Variants in LRIT2 observed in about 807,000 individuals in gnomAD.
The protein encoded by LRIT2 is leucine rich repeat, Ig-like and transmembrane domains 2, also known as leucine-rich repeat, immunoglobulin-like domain and transmembrane domain-containing protein 2.
In LRIT2, 23 loss-of-function variants were observed where a neutral mutation model predicts 22.4. The observed-to-expected ratio is 1.03, with a 90% CI of 0.74 to 1.45. LRIT2 has a LOEUF of 1.45. LRIT2 is among the 40% of genes most tolerant of loss of function. The probability of loss-of-function intolerance (pLI) is 0.00; values close to 1 mark genes in which losing one functional copy is unlikely to be tolerated. For missense variants in LRIT2, 784 were observed against 665.6 expected (o/e 1.18, Z -1.96); for synonymous variants, 291 against 267.1 (o/e 1.09, Z -0.87).
In LRIT2 at chr10:84,221,595, G is replaced by A. The variant is rs11817531; in HGVS notation, c.*325C>T. The A allele has an allele frequency of 0.19, 36,878 of 193,554 alleles. 4,099 individuals are homozygous for A. The highest frequency in any genetic ancestry group is 0.31 in the East Asian group (2,444 of 7,774). The allele number at this position is 193,554 out of a possible 1,614,324, so 12.0% of individuals were successfully genotyped here. On this transcript the variant is annotated 3_prime_UTR_variant, in exon 3 of 3. Transcript: ENST00000372113. The stretch of plus-strand genomic sequence containing the variant: ...GTAAAATATTATACGTAGACATTAC[G>A]TATAAGCATGTAAATGTTATAGGCT...
At position 84,224,675 on chromosome 10, in the gene LRIT2, C is replaced by G. The variant is rs1372283383; in HGVS notation, c.550G>C (p.Asp184His). 1 of 1,614,172 alleles carries G rather than the reference C, an allele frequency of 6.2e-7. No homozygotes were observed. The highest frequency in any genetic ancestry group is 8.5e-7 in the Non-Finnish European group (1 of 1,180,000). ...CTGGAGAGAATCTCAGCCCCACAGT[C>G]AGGCTGCCGGCATTTCTGGTAGGCT... Reference protein sequence around the residue: ...WPAYQKCRQPDCGAEILSSLV... With the variant: ...WPAYQKCRQPHCGAEILSSLV... The change falls in exon 2 of 3, where the codon GAC (aspartate) becomes CAC (histidine). Residue 184 changes from aspartate (D) to histidine (H), a missense_variant. By Grantham distance (81) the Asp-to-His change is moderately conservative. Coordinates refer to ENST00000372113, the MANE Select transcript of LRIT2 (RefSeq NM_001017924.5).
At position 84,224,916 on chromosome 10, in the gene LRIT2, T is replaced by G; in HGVS notation, c.309A>C (p.Pro103=). Residue 103 remains proline, a synonymous_variant, in exon 2 of 3, where the codon CCA becomes CCC. Transcript: ENST00000372113. ...CCTCCAGTCTCAGCTCCCTCAGTTC[T>G]GGCAGGTGTTCCAGGGCTCCTAGGT... ...VIHLGALEHL[P]ELRELRLEGN... is the part of the protein sequence containing the mutation. 6.2e-7 allele frequency: 1 copy of G among 1,614,200 alleles called. No individual in the cohort carries two copies. Among genetic ancestry groups the G allele is most frequent in the Non-Finnish European group, 8.5e-7 (1 of 1,180,026 alleles).
At chr10:84,223,338 T>C (rs980667936) in intron 2 of LRIT2, among the ~76,000 whole-genome samples, 1 of 152,092 alleles carries the variant, frequency 6.6e-6, no homozygotes, top group African/African-American at 2.4e-5. Context: ...TGCCAAACAG[T>C]GATTATAGAA....
Position 84,224,963 on chromosome 10 carries a change from A to T in LRIT2, c.262T>A (p.Phe88Ile). 2 of 1,614,156 alleles carry T rather than the reference A, an allele frequency of 1.2e-6. No individual in the cohort carries two copies. The highest frequency in any genetic ancestry group is 1.7e-6 in the Non-Finnish European group (2 of 1,180,022). ...AGGTGGATCACACTGATATTGTTAAAATTGAGCCAGAGGTATTCCAAGGTG... is the reference window on the plus strand; with the variant it reads ...AGGTGGATCACACTGATATTGTTAATATTGAGCCAGAGGTATTCCAAGGTG... ...MSTLEYLWLN[F>I]NNISVIHLGA... Residue 88 changes from phenylalanine (F) to isoleucine (I), a missense_variant, in exon 2 of 3, where the codon TTT (phenylalanine) becomes ATT (isoleucine). Coordinates refer to ENST00000372113, the MANE Select transcript of LRIT2 (RefSeq NM_001017924.5).
intron 2 of LRIT2, 44 bp from the exon 3 acceptor site, chr10:84,222,724 G>A (rs1218044217): frequency 6.2e-7 from 1 of 1,606,674 alleles, no homozygotes; most frequent in East Asian, 2.2e-5. Flanking sequence ...TTATCTGATA[G>A]ACTGCTGGAA....
At position 84,225,544 on chromosome 10, in the gene LRIT2, G is replaced by T. The variant is rs750724717; in HGVS notation, c.-24C>A. Reference sequence around the variant, plus strand: ...ATATTTCTCTGTAAGAAAATACGTTGTGAGTTTTGAATAAGTATCGCCCCA... The same window carrying T: ...ATATTTCTCTGTAAGAAAATACGTTTTGAGTTTTGAATAAGTATCGCCCCA... On this transcript the variant is annotated 5_prime_UTR_variant, in exon 1 of 3. Transcript: ENST00000372113. 6 of 1,610,130 alleles carry T rather than the reference G, an allele frequency of 3.7e-6. No individual in the cohort carries two copies. The South Asian group carries it at 6.7e-5, about 18-fold the overall frequency.
rs1279812032 is a variant in LRIT2, at chr10:84,222,044, G to A, written c.1529C>T (p.Thr510Ile). Residue 510 changes from threonine (T) to isoleucine (I), a missense_variant, in exon 3 of 3, where the codon ACC (threonine) becomes ATC (isoleucine). Physicochemically the swap from Thr to Ile is moderately conservative, Grantham distance 89. Transcript: ENST00000372113. ...CLHRRKAPSC[T>I]PAAPQSKDGS... ...ATCCTTGGACTGCGGGGCTGCAGGG[G>A]TGCAGCTGGGGGCTTTCCTGCGATG... 6.2e-7 allele frequency: 1 copy of A among 1,610,984 alleles called. No individual in the cohort carries two copies. Among genetic ancestry groups the A allele is most frequent in the South Asian group, 1.1e-5 (1 of 90,618 alleles).
chr10:84,225,196 G>T, intron 1 of LRIT2, 82 bp from the exon 2 acceptor site: 1 of 1,321,450 alleles, frequency 7.6e-7, no homozygotes, highest in South Asian at 1.4e-5. Context: ...CATTAGACAT[G>T]TGAATCAGAA....
chr10:84,224,275 G>C, intron 2 of LRIT2, 58 bp downstream of exon 2: 1 of 1,529,748 alleles, frequency 6.5e-7, no homozygotes, highest in South Asian at 1.3e-5. Flanking sequence ...ATGAGGATGG[G>C]TTTGCTACAG....
In LRIT2 at chr10:84,222,372, C is replaced by A. The variant is rs1842518344; in HGVS notation, c.1201G>T (p.Asp401Tyr). ...ACCACCTCCTTCCTGAAGGCTTCAT[C>A]CGATGCAATGTAGAGGGTGAACCAC... The part of the protein sequence containing the change: ...EEWFTLYIAS[D>Y]EAFRKEVVHI... Residue 401 changes from aspartate (D) to tyrosine (Y), a missense_variant, in exon 3 of 3, where the codon GAT (aspartate) becomes TAT (tyrosine). Physicochemically the swap from Asp to Tyr is radical, Grantham distance 160. Transcript: ENST00000372113. 6.2e-7 allele frequency: 1 copy of A among 1,614,172 alleles called. No homozygotes were observed. Among genetic ancestry groups the A allele is most frequent in the East Asian group, 2.2e-5 (1 of 44,866 alleles).
In LRIT2 at chr10:84,222,303, G is replaced by A; in HGVS notation, c.1270C>T (p.Leu424Phe). 6.2e-7 allele frequency: 1 copy of A among 1,613,968 alleles called. No individual in the cohort carries two copies. The highest frequency in any genetic ancestry group is 8.5e-7 in the Non-Finnish European group (1 of 1,179,788). Residue 424 changes from leucine (L) to phenylalanine (F), a missense_variant, in exon 3 of 3, where the codon CTT becomes TTT. Transcript: ENST00000372113. Reference protein sequence around the residue: ...GINTYAVDDLLPGTKYEACLS... With the variant: ...GINTYAVDDLFPGTKYEACLS... ...CAGGCCTCATATTTTGTGCCAGGAA[G>A]GAGGTCATCCACAGCATAAGTATTG...
rs759406273 is a variant in LRIT2 at position 84,224,361 on chromosome 10, ATAAG to A, written c.860_863del (p.Thr287IlefsTer3). ...CAAATTCTCTCCACATACTCAGGGGATAAGTCCATGCAATGGATGGTGAGGGGCT... is the reference window on the plus strand; with the variant it reads ...CAAATTCTCTCCACATACTCAGGGGATCCATGCAATGGATGGTGAGGGGCT... On this transcript the variant is annotated frameshift_variant, in exon 2 of 3. Transcript: ENST00000372113. LOFTEE classifies it low-confidence loss of function (END_TRUNC). 6.2e-7 allele frequency: 1 copy of A among 1,613,786 alleles called. No homozygotes were observed. Among genetic ancestry groups the A allele is most frequent in the South Asian group, 1.1e-5 (1 of 91,040 alleles).
chr10:84,221,688 G>A lies in LRIT2; in HGVS notation c.*232C>T. 1 of 398,812 alleles carries A rather than the reference G, an allele frequency of 2.5e-6. No homozygotes were observed. The highest frequency in any genetic ancestry group is 3.9e-5 in the Admixed American group (1 of 25,354). 24.7% of individuals were successfully genotyped at this position (398,812 alleles called of 1,614,324 possible). A position where few individuals can be genotyped will look rare whatever the true frequency, so the allele number is the denominator to read the frequency against. Reference sequence around the variant, plus strand: ...TGTATAATAAAATGATTAATTTGATGGACAAATCTTCATTGACTTTAACTT... The same window carrying A: ...TGTATAATAAAATGATTAATTTGATAGACAAATCTTCATTGACTTTAACTT... On this transcript the variant is annotated 3_prime_UTR_variant, in exon 3 of 3. Coordinates refer to ENST00000372113, the MANE Select transcript of LRIT2 (RefSeq NM_001017924.5).
Position 84,224,875 on chromosome 10 carries a change from G to T in LRIT2, c.350C>A (p.Ser117Ter). 1 of 1,614,184 alleles carries T rather than the reference G, an allele frequency of 6.2e-7. No homozygotes were observed. Among genetic ancestry groups the T allele is most frequent in the Non-Finnish European group, 8.5e-7 (1 of 1,180,030 alleles). Residue 117 changes from serine (S) to a stop codon, truncating the protein, a stop_gained, in exon 2 of 3, where the codon TCA (serine) becomes TAA (stop). Coordinates refer to ENST00000372113, the MANE Select transcript of LRIT2 (RefSeq NM_001017924.5). LOFTEE classifies it high-confidence loss of function. ...ELRLEGNKLC[S>*]VPWTAFRATP... Reference sequence around the variant, plus strand: ...GGCACGGAACGCTGTCCATGGTACTGAGCAGAGCTTGTTCCCCTCCAGTCT... The same window carrying T: ...GGCACGGAACGCTGTCCATGGTACTTAGCAGAGCTTGTTCCCCTCCAGTCT...
Position 84,221,987 on chromosome 10 carries a change from T to C in LRIT2, c.1586A>G (p.Asp529Gly), listed in dbSNP as rs775798595. Reference protein sequence around the residue: ...GSFREHPAVCDDGEGHIDTEG... With the variant: ...GSFREHPAVCGDGEGHIDTEG... The stretch of plus-strand genomic sequence containing the variant: ...AGTGTCTATGTGCCCTTCACCGTCA[T>C]CACAGACAGCTGGATGTTCTCTAAA... Residue 529 changes from aspartate (D) to glycine (G), a missense_variant, in exon 3 of 3, where the codon GAT becomes GGT. Asp to Gly is a moderately conservative substitution (Grantham distance 94). Coordinates refer to ENST00000372113, the MANE Select transcript of LRIT2 (RefSeq NM_001017924.5). The C allele has an allele frequency of 2.5e-6, 4 of 1,586,552 alleles. No individual in the cohort carries two copies. The highest frequency in any genetic ancestry group is 1.3e-5 in the African/African-American group (1 of 74,258).
chr10:84,221,944 T>C lies in LRIT2; in HGVS notation c.1629A>G (p.Lys543=). The C allele has an allele frequency of 6.5e-7, 1 of 1,531,786 alleles. No individual in the cohort carries two copies. Among genetic ancestry groups the C allele is most frequent in the Non-Finnish European group, 8.8e-7 (1 of 1,138,274 alleles). 94.9% of individuals were successfully genotyped at this position (1,531,786 alleles called of 1,614,324 possible). A position where few individuals can be genotyped will look rare whatever the true frequency, so the allele number is the denominator to read the frequency against. Residue 543 remains lysine, a synonymous_variant, in exon 3 of 3, where the codon AAA becomes AAG. Coordinates refer to ENST00000372113, the MANE Select transcript of LRIT2 (RefSeq NM_001017924.5). ...TTCAGCTGTTGTCTTCCGTTCCTCC[T>C]TTCTCCTTGTCCCCCTCAGTGTCTA... ...GHIDTEGDKE[K]GGTEDNS is the part of the protein sequence containing the mutation.
At position 84,224,931 on chromosome 10, in the gene LRIT2, G is replaced by A. The variant is rs752467414; in HGVS notation, c.294C>T (p.Ala98=). The A allele has an allele frequency of 6.2e-7, 1 of 1,614,112 alleles. No homozygotes were observed. Among genetic ancestry groups the A allele is most frequent in the East Asian group, 2.2e-5 (1 of 44,866 alleles). The part of the protein sequence containing the change: ...FNNISVIHLG[A]LEHLPELREL... ...CCCTCAGTTCTGGCAGGTGTTCCAG[G>A]GCTCCTAGGTGGATCACACTGATAT... The change falls in exon 2 of 3, where the codon GCC becomes GCT. Residue 98 remains alanine, a synonymous_variant. Transcript: ENST00000372113.
At chr10:84,225,241 A>G in intron 1 of LRIT2, 127 bp from the exon 2 acceptor site, 1 of 1,208,912 alleles carries the variant, frequency 8.3e-7, no homozygotes, top group Non-Finnish European at 1.1e-6. Context: ...TAAAAGAGTT[A>G]GACTCATTTT....
In LRIT2 at chr10:84,220,889, G is replaced by A. The variant is rs556195051; in HGVS notation, c.*1031C>T. 1 of 152,372 alleles carries A rather than the reference G, an allele frequency of 6.6e-6. No individual in the cohort carries two copies. Among genetic ancestry groups the A allele is most frequent in the South Asian group, 2.1e-4 (1 of 4,830 alleles). 9.4% of individuals were successfully genotyped at this position (152,372 alleles called of 1,614,324 possible). On this transcript the variant is annotated 3_prime_UTR_variant, in exon 3 of 3. Coordinates refer to ENST00000372113, the MANE Select transcript of LRIT2 (RefSeq NM_001017924.5). Reference sequence around the variant, plus strand: ...AGTCTAGTTCATGTTTACACTCTTAGAAAGGTTTGCATGTGGCCAGTGAGG... The same window carrying A: ...AGTCTAGTTCATGTTTACACTCTTAAAAAGGTTTGCATGTGGCCAGTGAGG...
Sources: allele counts gnomAD v4.1 joint callset (sites outside exome capture counted in the v4.1 genomes callset), GRCh38; gene constraint gnomAD v4.1.1; transcripts MANE v1.5; gene names NCBI Gene and HGNC (gene_info 2026-07-23, HGNC 2026-07-21).